USP12: variants seen among roughly 807,000 people sequenced by gnomAD.
USP12 encodes ubiquitin specific peptidase 12, also known as ubiquitin carboxyl-terminal hydrolase 12.
A neutral mutation model predicts 45.5 loss-of-function variants in USP12; 19 were observed. The observed-to-expected ratio is 0.42, with a 90% CI of 0.29 to 0.61. The LOEUF is 0.61. USP12 is among the 20% of genes least tolerant of loss of function. The pLI, the probability that USP12 is intolerant of heterozygous loss-of-function variation, is 0.22. For missense variants in USP12, 242 were observed against 447.7 expected (o/e 0.54, Z 4.15); for synonymous variants, 149 against 148.8 (o/e 1.00, Z -0.01).
At chr13:27,143,165 A>G (rs1185570635) in intron 1 of USP12, among the ~76,000 whole-genome samples, 2 of 152,170 alleles carry the variant, frequency 1.3e-5, no homozygotes, top group East Asian at 3.9e-4. Context: ...CAGTGGCAAA[A>G]TCGAGAATAA....
intron 1 of USP12, among the ~76,000 whole-genome samples, chr13:27,155,302 T>C (rs368903118): frequency 6.9e-4 from 105 of 151,900 alleles, no homozygotes; most frequent in Middle Eastern, 3.4e-3. Flanking sequence ...AAGATGGTCT[T>C]GATCTCCTGA....
At chr13:27,075,426 G>C in intron 6 of USP12, 38 bp from the exon 7 acceptor site, 1 of 1,541,148 alleles carries the variant, frequency 6.5e-7, no homozygotes, top group Non-Finnish European at 8.9e-7. Context: ...TTTCATAAAA[G>C]ATATCCACCA....
chr13:27,079,435 T>A (rs1873647235), intron 6 of USP12, among the ~76,000 whole-genome samples: 1 of 152,068 alleles, frequency 6.6e-6, no homozygotes, highest in Admixed American at 6.6e-5. Flanking sequence ...CTCCAGAAAC[T>A]CCCTTCTCCA....
intron 7 of USP12, 51 bp downstream of exon 7, chr13:27,075,140 T>C (rs747341850): frequency 1.3e-6 from 2 of 1,576,222 alleles, no homozygotes; most frequent in Non-Finnish European, 1.7e-6. Context: ...GAATGTACCC[T>C]GCTCTTCTAA....
At chr13:27,144,238 C>T (rs1295184420) in intron 1 of USP12, among the ~76,000 whole-genome samples, 1 of 151,992 alleles carries the variant, frequency 6.6e-6, no homozygotes, top group Non-Finnish European at 1.5e-5. Context: ...TGGCTCACAC[C>T]TGTAACCCCA....
intron 1 of USP12, among the ~76,000 whole-genome samples, chr13:27,146,377 G>A (rs1256029344): frequency 6.6e-6 from 1 of 152,062 alleles, no homozygotes; most frequent in East Asian, 1.9e-4. Context: ...ACTACAGTCT[G>A]GGCAATAAAG....
intron 1 of USP12, among the ~76,000 whole-genome samples, chr13:27,169,825 C>T (rs2137853841): frequency 6.6e-6 from 1 of 152,304 alleles, no homozygotes; most frequent in East Asian, 1.9e-4. Context: ...CTGACCAATA[C>T]TGCATCCCCA....
chr13:27,118,456 T>A (rs1392925216), intron 1 of USP12, among the ~76,000 whole-genome samples: 1 of 152,188 alleles, frequency 6.6e-6, no homozygotes, highest in Non-Finnish European at 1.5e-5. Flanking sequence ...CAATATGTCA[T>A]AACAATACCA....
At chr13:27,113,367 C>T (rs553357887) in intron 2 of USP12, among the ~76,000 whole-genome samples, 1 of 152,292 alleles carries the variant, frequency 6.6e-6, no homozygotes, top group South Asian at 2.1e-4. Flanking sequence ...TCCCTGTCCC[C>T]CATGCTGGGC....
intron 1 of USP12, chr13:27,117,650 A>G (rs1875806351): frequency 2.5e-6 from 1 of 396,794 alleles, no homozygotes; most frequent in Non-Finnish European, 5.3e-6. Context: ...CGGAAAGCAG[A>G]CCGAAGAATG....
intron 1 of USP12, among the ~76,000 whole-genome samples, chr13:27,138,792 T>G (rs1368148923): frequency 6.6e-6 from 1 of 152,206 alleles, no homozygotes; most frequent in Non-Finnish European, 1.5e-5. Flanking sequence ...ATTCTACTAT[T>G]ACTCCCTTTG....
In USP12 at chr13:27,171,619, G is replaced by A; in HGVS notation, c.21C>T (p.Val7=). The A allele has an allele frequency of 7.7e-7, 1 of 1,298,848 alleles. No homozygotes were observed. The highest frequency in any genetic ancestry group is 5.6e-5 in the East Asian group (1 of 17,932). The allele number at this position is 1,298,848 out of a possible 1,614,324, so 80.5% of individuals were successfully genotyped here. Reference sequence around the variant, plus strand: ...TGGTACAGATGGAGGCGAATTTGGAGACTGTCATTAGGATTTCCATCCGGC... The same window carrying A: ...TGGTACAGATGGAGGCGAATTTGGAAACTGTCATTAGGATTTCCATCCGGC... MEILMT[V]SKFASICTMG... is the part of the protein sequence containing the mutation. The change falls in exon 1 of 9, where the codon GTC becomes GTT. Residue 7 remains valine (V), a synonymous_variant. Transcript: ENST00000282344.
At chr13:27,123,085 C>T (rs1020268815) in intron 1 of USP12, among the ~76,000 whole-genome samples, 8 of 63,594 alleles carry the variant, frequency 1.3e-4, no homozygotes, top group Non-Finnish European at 1.5e-4. Context: ...GAGTGAGAGT[C>T]CATCTCAAAA....
intron 7 of USP12, among the ~76,000 whole-genome samples, chr13:27,073,695 G>A (rs564954212): frequency 1.3e-5 from 2 of 152,322 alleles, no homozygotes; most frequent in African/African-American, 4.8e-5. Flanking sequence ...TAAGATGTGA[G>A]AAGGTAATAT....
intron 2 of USP12, among the ~76,000 whole-genome samples, chr13:27,108,784 C>G (rs986742649): frequency 2.0e-5 from 3 of 152,166 alleles, no homozygotes; most frequent in Admixed American, 6.5e-5. Context: ...TGGTGAAACC[C>G]TGTCTCTAAC....
chr13:27,124,853 C>T (rs1487063143), intron 1 of USP12, among the ~76,000 whole-genome samples: 1 of 152,328 alleles, frequency 6.6e-6, no homozygotes, highest in East Asian at 1.9e-4. Flanking sequence ...CTAGAAAACA[C>T]CATGTGCCCA....
chr13:27,125,870 G>A (rs2137805964), intron 1 of USP12, among the ~76,000 whole-genome samples: 1 of 152,378 alleles, frequency 6.6e-6, no homozygotes, highest in East Asian at 1.9e-4. Context: ...AGCAGTTTGA[G>A]ATTGACCTGG....
intron 1 of USP12, among the ~76,000 whole-genome samples, chr13:27,166,604 A>G (rs1291363924): frequency 6.6e-6 from 1 of 152,248 alleles, no homozygotes; most frequent in Non-Finnish European, 1.5e-5. Flanking sequence ...GAAAGTCACC[A>G]GAAGGTAAGC....
chr13:27,149,606 G>C (rs1478715609), intron 1 of USP12, among the ~76,000 whole-genome samples: 4 of 152,196 alleles, frequency 2.6e-5, no homozygotes, highest in African/African-American at 9.7e-5. Context: ...GTGGTTACTA[G>C]AGTAGAGGCT....
Sources: allele counts gnomAD v4.1 joint callset (sites outside exome capture counted in the v4.1 genomes callset), GRCh38; gene constraint gnomAD v4.1.1; transcripts MANE v1.5; gene names NCBI Gene and HGNC (gene_info 2026-07-23, HGNC 2026-07-21).